Variants in ZDHHC21 observed in about 807,000 individuals in gnomAD.
The protein encoded by ZDHHC21 is palmitoyltransferase ZDHHC21.
A neutral mutation model predicts 34.6 loss-of-function variants in ZDHHC21; 15 were observed. The ratio of observed to expected loss-of-function variants is 0.43; its 90% CI spans 0.29 to 0.67. The LOEUF (loss-of-function observed/expected upper bound fraction) is 0.67. ZDHHC21 is among the 30% of genes least tolerant of loss of function. The pLI is 0.14. For missense variants in ZDHHC21, 344 were observed against 327.7 expected (o/e 1.05, Z -0.38); for synonymous variants, 142 against 101.8 (o/e 1.40, Z -2.38).
At chr9:14,621,401 T>C (rs1033763341) in intron 8 of ZDHHC21, among the ~76,000 whole-genome samples, 3 of 152,112 alleles carry the variant, frequency 2.0e-5, no homozygotes, top group Non-Finnish European at 2.9e-5. Context: ...AAATCAACTT[T>C]AAAGATTTCA....
chr9:14,597,444 ACACACT>A, the ZDHHC21 span, among the ~76,000 whole-genome samples: 2 of 152,174 alleles, frequency 1.3e-5, no homozygotes, highest in Non-Finnish European at 2.9e-5. Context: ...GAGCTGAAGC[ACACACT>A]CCTCAGAATC....
At chr9:14,605,852 A>C in the ZDHHC21 span, among the ~76,000 whole-genome samples, 1 of 152,200 alleles carries the variant, frequency 6.6e-6, no homozygotes, top group Non-Finnish European at 1.5e-5. Flanking sequence ...GAAATAATTT[A>C]GTTTCTCACT....
chr9:14,652,734 G>A (rs1042366349), intron 7 of ZDHHC21, among the ~76,000 whole-genome samples: 16 of 151,826 alleles, frequency 1.1e-4, no homozygotes, highest in South Asian at 2.1e-4. Context: ...AACATACAAC[G>A]TACCAGTTTT....
At chr9:14,609,828 C>T (rs1038129058), downstream of ZDHHC21, among the ~76,000 whole-genome samples, 2 of 151,980 alleles carry the variant, frequency 1.3e-5, no homozygotes, top group East Asian at 1.9e-4. Flanking sequence ...TAGTGTAGTA[C>T]CAGAGGAAAA....
In ZDHHC21 at chr9:14,616,483, TTTTGATATG is replaced by T. The variant is rs1252859072; in HGVS notation, c.*2474_*2482del. 1 of 151,824 alleles carries T rather than the reference TTTTGATATG, an allele frequency of 6.6e-6. No individual in the cohort carries two copies. The highest frequency in any genetic ancestry group is 1.5e-5 in the Non-Finnish European group (1 of 67,824). 9.4% of individuals were successfully genotyped at this position (151,824 alleles called of 1,614,324 possible). A position where few individuals can be genotyped will look rare whatever the true frequency, so the allele number is the denominator to read the frequency against. The stretch of plus-strand genomic sequence containing the variant: ...ACATACACTCCTCCTAAGTTTGTAC[TTTTGATATG>T]TTCAGAATGTGGCTATACTATTTAC... On this transcript the variant is annotated 3_prime_UTR_variant, in exon 10 of 10. Transcript: ENST00000380916.
At chr9:14,656,670 C>T (rs1177959561) in intron 7 of ZDHHC21, among the ~76,000 whole-genome samples, 1 of 151,894 alleles carries the variant, frequency 6.6e-6, no homozygotes, top group Non-Finnish European at 1.5e-5. Context: ...CTGCTCAGCA[C>T]TACTAGACAC....
At chr9:14,596,318 C>A in the ZDHHC21 span, among the ~76,000 whole-genome samples, 11 of 152,204 alleles carry the variant, frequency 7.2e-5, no homozygotes, top group Non-Finnish European at 2.9e-5. Flanking sequence ...CATCACTCTT[C>A]AGTGGCAACA....
Position 14,674,172 on chromosome 9 carries a change from G to T in ZDHHC21, c.154+15C>A, listed in dbSNP as rs748787849. On this transcript the variant is annotated intron_variant, in intron 4 of 9. Transcript: ENST00000380916. The stretch of plus-strand genomic sequence containing the variant: ...AAAAATAATTATACAAGAAAATAAA[G>T]ATCAAGAAACTTACTTATTATTAAT... 2.7e-6 allele frequency: 4 copies of T among 1,466,378 alleles called. No homozygotes were observed. In the Admixed American group the frequency reaches 1.1e-4, roughly 39 times the overall value. 90.8% of individuals were successfully genotyped at this position (1,466,378 alleles called of 1,614,324 possible). A position where few individuals can be genotyped will look rare whatever the true frequency, so the allele number is the denominator to read the frequency against.
At chr9:14,627,520 G>A (rs946674855) in intron 8 of ZDHHC21, among the ~76,000 whole-genome samples, 24 of 151,968 alleles carry the variant, frequency 1.6e-4, no homozygotes, top group African/African-American at 5.8e-4. Context: ...TTACAAAATT[G>A]CAACTAAATA....
intron 2 of ZDHHC21, among the ~76,000 whole-genome samples, chr9:14,687,922 C>G (rs1838585530): frequency 6.6e-6 from 1 of 150,650 alleles, no homozygotes; most frequent in Non-Finnish European, 1.5e-5. Flanking sequence ...TTAATTACAG[C>G]CAAATGAATT....
At chr9:14,681,625 C>A (rs1169825553) in intron 2 of ZDHHC21, among the ~76,000 whole-genome samples, 1 of 152,060 alleles carries the variant, frequency 6.6e-6, no homozygotes, top group Non-Finnish European at 1.5e-5. Flanking sequence ...TGATAAAGCA[C>A]TGACATTGAC....
At chr9:14,654,369 T>TA (rs1242456798) in intron 7 of ZDHHC21, among the ~76,000 whole-genome samples, 1 of 147,288 alleles carries the variant, frequency 6.8e-6, no homozygotes, top group African/African-American at 2.5e-5. Context: ...CCTGATTGGA[T>TA]AAAAATGAGG....
At chr9:14,634,400 G>A (rs936159286) in intron 8 of ZDHHC21, among the ~76,000 whole-genome samples, 1 of 152,148 alleles carries the variant, frequency 6.6e-6, no homozygotes, top group Non-Finnish European at 1.5e-5. Context: ...CCCAAGAATT[G>A]GTCTGTGTGG....
At chr9:14,632,050 T>C (rs1827439843) in intron 8 of ZDHHC21, among the ~76,000 whole-genome samples, 1 of 129,998 alleles carries the variant, frequency 7.7e-6, no homozygotes, top group Non-Finnish European at 1.6e-5. Context: ...CTTCAACTAG[T>C]TAAAACACAC....
At chr9:14,653,993 G>A (rs1292374882) in intron 7 of ZDHHC21, among the ~76,000 whole-genome samples, 5 of 151,958 alleles carry the variant, frequency 3.3e-5, no homozygotes, top group Admixed American at 6.6e-5. Context: ...GTAGACAGGC[G>A]TTAAGGTGAG....
chr9:14,633,816 T>C (rs979082214), intron 8 of ZDHHC21, among the ~76,000 whole-genome samples: 6 of 152,006 alleles, frequency 3.9e-5, no homozygotes, highest in Non-Finnish European at 7.4e-5. Context: ...AAGTGTGCAA[T>C]CCCCAGCCCG....
At chr9:14,591,746 T>C in the ZDHHC21 span, among the ~76,000 whole-genome samples, 20 of 152,262 alleles carry the variant, frequency 1.3e-4, no homozygotes, top group South Asian at 1.2e-3. Flanking sequence ...ACAAAAATAC[T>C]TCATGAAACA....
At chr9:14,654,891 G>GT (rs1352407106) in intron 7 of ZDHHC21, among the ~76,000 whole-genome samples, 3 of 151,992 alleles carry the variant, frequency 2.0e-5, no homozygotes, top group Non-Finnish European at 4.4e-5. Flanking sequence ...TCACGTACAT[G>GT]TAAGTAGAAT....
Position 14,613,457 on chromosome 9 carries a change from C to T in ZDHHC21, c.*5509G>A, listed in dbSNP as rs1022625904. On this transcript the variant is annotated 3_prime_UTR_variant, in exon 10 of 10. Coordinates refer to ENST00000380916, the MANE Select transcript of ZDHHC21 (RefSeq NM_178566.6). ...TGGCAAGAATATATAGCTTGCAATA[C>T]GCAGGTAAGCTTTCCCTTTAGTTAA... is the stretch of plus-strand genomic sequence containing the variant. 5.3e-5 allele frequency: 8 copies of T among 151,716 alleles called. No homozygotes were observed. The highest frequency in any genetic ancestry group is 2.1e-4 in the South Asian group (1 of 4,832). 9.4% of individuals were successfully genotyped at this position (151,716 alleles called of 1,614,324 possible).
Sources: allele counts gnomAD v4.1 joint callset (sites outside exome capture counted in the v4.1 genomes callset), GRCh38; gene constraint gnomAD v4.1.1; transcripts MANE v1.5; gene names NCBI Gene and HGNC (gene_info 2026-07-23, HGNC 2026-07-21).